The following GRIK2 variants were observed in gnomAD, a reference collection of about 807,000 sequenced individuals.
The protein encoded by GRIK2 is glutamate ionotropic receptor kainate type subunit 2.
GRIK2 carries 32 observed loss-of-function variants against 100.3 expected under a neutral mutation model. The observed-to-expected ratio is 0.32, with a 90% CI of 0.24 to 0.43. The LOEUF (loss-of-function observed/expected upper bound fraction) is 0.43. Among genes scored for constraint, GRIK2 ranks in the 20% least tolerant of loss-of-function variants. GRIK2 has a pLI of 1.00. For synonymous variants in GRIK2, 417 were observed against 389.4 expected (o/e 1.07, Z -0.83); for missense variants, 843 against 1,114.9 (o/e 0.76, Z 3.47).
In GRIK2 at chr6:101,626,621, G is replaced by T. The variant is rs1298541967; in HGVS notation, c.525G>T (p.Val175=). The change falls in exon 4 of 17, where the codon GTG becomes GTT. Residue 175 remains valine (V), a synonymous_variant. Coordinates refer to ENST00000369134, the MANE Select transcript of GRIK2 (RefSeq NM_021956.5). ...TCAAGTGGAAAACCGTCACGGTTGTGTATGATGACAGCACTGGTAAGAAAA... is the reference window on the plus strand; with the variant it reads ...TCAAGTGGAAAACCGTCACGGTTGTTTATGATGACAGCACTGGTAAGAAAA... ...QFFKWKTVTV[V]YDDSTGLIRL... The T allele has an allele frequency of 5.0e-6, 8 of 1,613,826 alleles. No individual in the cohort carries two copies. The highest frequency in any genetic ancestry group is 6.8e-6 in the Non-Finnish European group (8 of 1,179,770).
At chr6:101,602,895 G>A (rs1779287701) in intron 2 of GRIK2, among the ~76,000 whole-genome samples, 1 of 151,620 alleles carries the variant, frequency 6.6e-6, no homozygotes, top group African/African-American at 2.4e-5. Flanking sequence ...CATCATATTA[G>A]TCATAGCTCT....
chr6:101,413,861 A>G (rs948893104), intron 2 of GRIK2, among the ~76,000 whole-genome samples: 1 of 117,596 alleles, frequency 8.5e-6, no homozygotes, highest in African/African-American at 2.9e-5. Flanking sequence ...ACAAGCAACC[A>G]GTCATACAAT....
At chr6:101,907,421 G>A (rs1289366101) in intron 12 of GRIK2, among the ~76,000 whole-genome samples, 1 of 151,520 alleles carries the variant, frequency 6.6e-6, no homozygotes, top group Non-Finnish European at 1.5e-5. Context: ...ATCATTATTG[G>A]AACCTCATGC....
chr6:101,829,953 G>C (rs1782569420), intron 10 of GRIK2, among the ~76,000 whole-genome samples: 1 of 151,860 alleles, frequency 6.6e-6, no homozygotes, highest in South Asian at 2.1e-4. Context: ...AAACAAAAAA[G>C]AGGCTGAATA....
chr6:101,833,584 T>G (rs956208735), intron 10 of GRIK2, among the ~76,000 whole-genome samples: 2 of 152,130 alleles, frequency 1.3e-5, no homozygotes, highest in Non-Finnish European at 2.9e-5. Flanking sequence ...TTATTTATAC[T>G]TTTTCAATAA....
intron 14 of GRIK2, among the ~76,000 whole-genome samples, chr6:101,960,765 A>C (rs923261306): frequency 6.6e-6 from 1 of 152,186 alleles, no homozygotes; most frequent in Non-Finnish European, 1.5e-5. Context: ...CCGCAGCACA[A>C]TGCTCTTCTG....
chr6:101,791,648 T>A (rs1452118227), intron 7 of GRIK2, among the ~76,000 whole-genome samples: 1 of 152,120 alleles, frequency 6.6e-6, no homozygotes, highest in Non-Finnish European at 1.5e-5. Context: ...AATTTTGGAA[T>A]AGGTGTGGTG....
intron 7 of GRIK2, among the ~76,000 whole-genome samples, chr6:101,725,398 C>G (rs2128367775): frequency 6.6e-6 from 1 of 152,136 alleles, no homozygotes; most frequent in Admixed American, 6.6e-5. Flanking sequence ...ACTACCTCCA[C>G]TGAATCTGAA....
rs60301711 is a variant in GRIK2 at position 101,719,138 on chromosome 6, G to GTTTTTTT, written c.951+32817_951+32823dup. Among the ~76,000 whole-genome samples the GTTTTTTT allele has an allele frequency of 8.0e-4, 81 of 101,120 alleles. 3 individuals are homozygous for GTTTTTTT. Among genetic ancestry groups the GTTTTTTT allele is most frequent in the African/African-American group, 3.3e-3 (66 of 20,100 alleles). The allele number at this position is 101,120 out of a possible 152,430, so 66.3% of individuals were successfully genotyped here. A position where few individuals can be genotyped will look rare whatever the true frequency, so the allele number is the denominator to read the frequency against. ...CTGAAATGTGCAACAGGCTGCAAGG[G>GTTTTTTT]TTTTTTTTTTTTTTTTTTTTTTTTT... On this transcript the variant is annotated intron_variant, in intron 7 of 16. Transcript: ENST00000369134.
intron 2 of GRIK2, among the ~76,000 whole-genome samples, chr6:101,620,722 A>G (rs986038563): frequency 6.6e-6 from 1 of 152,158 alleles, no homozygotes; most frequent in East Asian, 1.9e-4. Context: ...AGAAAGATAA[A>G]TGTTCTGCGT....
chr6:101,616,329 G>T (rs1467530830), intron 2 of GRIK2, among the ~76,000 whole-genome samples: 1 of 151,452 alleles, frequency 6.6e-6, no homozygotes, highest in Non-Finnish European at 1.5e-5. Context: ...TATTTCCATT[G>T]TTAGCTATTT....
At chr6:102,019,992 A>G (rs781243218) in intron 14 of GRIK2, among the ~76,000 whole-genome samples, 2 of 151,932 alleles carry the variant, frequency 1.3e-5, no homozygotes, top group Admixed American at 1.3e-4. Context: ...CAGCATTTTT[A>G]AAAATATTGT....
chr6:102,005,720 A>AAAAT (rs1795181328), intron 14 of GRIK2, among the ~76,000 whole-genome samples: 1 of 152,130 alleles, frequency 6.6e-6, no homozygotes, highest in Non-Finnish European at 1.5e-5. Context: ...GTAATCAGTG[A>AAAAT]AAATATATTT....
At chr6:101,780,597 A>G (rs1779024879) in intron 7 of GRIK2, among the ~76,000 whole-genome samples, 1 of 152,146 alleles carries the variant, frequency 6.6e-6, no homozygotes, top group Admixed American at 6.6e-5. Context: ...GTTTTGTAAT[A>G]ATAATATTAT....
At chr6:101,978,770 A>G (rs1462076103) in intron 14 of GRIK2, among the ~76,000 whole-genome samples, 1 of 151,982 alleles carries the variant, frequency 6.6e-6, no homozygotes, top group East Asian at 1.9e-4. Context: ...ATTTAGAATT[A>G]TTTGCTAATG....
At position 101,585,208 on chromosome 6, in the gene GRIK2, C is replaced by T. The variant is rs569193843; in HGVS notation, c.116-36741C>T. On this transcript the variant is annotated intron_variant, in intron 2 of 16. Coordinates refer to ENST00000369134, the MANE Select transcript of GRIK2 (RefSeq NM_021956.5). ...AGATAGACGTTTGGTCAAAAGTTAT[C>T]GAATTTTCAAAATCATTTGTTGCTA... 8.5e-5 allele frequency among the ~76,000 whole-genome samples: 13 copies of T among 152,050 alleles called. No homozygotes were observed. In the South Asian group the frequency reaches 1.3e-3, roughly 15 times the overall value.
intron 4 of GRIK2, among the ~76,000 whole-genome samples, chr6:101,630,089 C>A (rs1016774516): frequency 1.3e-5 from 2 of 152,014 alleles, no homozygotes; most frequent in African/African-American, 4.8e-5. Context: ...TGTATATGTA[C>A]CACATTTTCT....
chr6:101,705,519 CTG>C (rs1203679604), intron 7 of GRIK2, among the ~76,000 whole-genome samples: 2 of 151,704 alleles, frequency 1.3e-5, no homozygotes, highest in Non-Finnish European at 2.9e-5. Flanking sequence ...CTTTTAATGA[CTG>C]TATCTTTTTG....
intron 2 of GRIK2, among the ~76,000 whole-genome samples, chr6:101,491,327 G>A (rs1773099994): frequency 6.6e-6 from 1 of 150,934 alleles, no homozygotes; most frequent in Non-Finnish European, 1.5e-5. Flanking sequence ...CATTCATTTG[G>A]GATTGAAATT....
Sources: gnomAD v4.1 joint callset for allele counts (sites outside exome capture counted in the v4.1 genomes callset) on GRCh38, gnomAD v4.1.1 for gene constraint, MANE v1.5 for transcripts, NCBI Gene and HGNC (gene_info 2026-07-23, HGNC 2026-07-21) for gene names.